The following SOX5 variants were observed in gnomAD, a reference collection of about 807,000 sequenced individuals.
The protein encoded by SOX5 is SRY-box transcription factor 5, also known as transcription factor SOX-5.
Under a neutral mutation model 92.0 loss-of-function variants are expected in SOX5, and 9 were observed. That is an observed-to-expected ratio of 0.10 (90% CI 0.06 to 0.17). SOX5 has a LOEUF of 0.17. Among genes scored for constraint, SOX5 ranks in the 10% least tolerant of loss-of-function variants. The pLI, the probability that SOX5 is intolerant of heterozygous loss-of-function variation, is 1.00. For synonymous variants in SOX5, 344 were observed against 336.3 expected, an observed-to-expected ratio of 1.02 and a Z score of -0.25; for missense variants, 642 against 944.5, an observed-to-expected ratio of 0.68 and a Z score of 4.20.
At chr12:23,936,839 T>A (rs1039524559) in intron 1 of SOX5, among the ~76,000 whole-genome samples, 6 of 151,086 alleles carry the variant, frequency 4.0e-5, no homozygotes, top group African/African-American at 1.5e-4. Context: ...CTTAGTAAGA[T>A]ATTTTACATT....
intron 1 of SOX5, among the ~76,000 whole-genome samples, chr12:24,406,274 G>C (rs1422155219): frequency 6.6e-6 from 1 of 152,138 alleles, no homozygotes; most frequent in Non-Finnish European, 1.5e-5. Flanking sequence ...GGTGCTGAGT[G>C]GGGAGTAGGG....
chr12:24,068,240 C>T (rs1941115959), intron 4 of SOX5, among the ~76,000 whole-genome samples: 1 of 152,070 alleles, frequency 6.6e-6, no homozygotes, highest in Non-Finnish European at 1.5e-5. Flanking sequence ...TTTTAGTCGT[C>T]AATGTGTCCT....
chr12:24,462,238 A>G (rs1297929686), intron 1 of SOX5, among the ~76,000 whole-genome samples: 1 of 152,202 alleles, frequency 6.6e-6, no homozygotes, highest in Admixed American at 6.5e-5. Flanking sequence ...TGAATACTGT[A>G]GGCAATTGCA....
At chr12:24,538,497 G>A (rs545842270) in intron 1 of SOX5, among the ~76,000 whole-genome samples, 34 of 151,722 alleles carry the variant, frequency 2.2e-4, no homozygotes, top group Non-Finnish European at 4.3e-4. Flanking sequence ...TATGTTCGCC[G>A]GTCAGATCAG....
intron 2 of SOX5, among the ~76,000 whole-genome samples, chr12:24,291,155 A>G (rs1350547326): frequency 1.3e-5 from 2 of 152,226 alleles, no homozygotes; most frequent in Non-Finnish European, 2.9e-5. Flanking sequence ...ATAAAATAAT[A>G]TGTGAATATA....
chr12:24,002,970 T>A (rs59745584), intron 4 of SOX5, among the ~76,000 whole-genome samples: 4 of 151,966 alleles, frequency 2.6e-5, no homozygotes, highest in Admixed American at 1.3e-4. Flanking sequence ...GAAAGAGTTA[T>A]AAGTGGAATT....
chr12:23,871,034 C>G (rs1217141649), intron 2 of SOX5, among the ~76,000 whole-genome samples: 1 of 152,002 alleles, frequency 6.6e-6, no homozygotes, highest in Non-Finnish European at 1.5e-5. Context: ...GATGAAAGGA[C>G]TACTATCTTT....
chr12:23,788,989 AG>A (rs2095426253), intron 3 of SOX5, among the ~76,000 whole-genome samples: 1 of 151,982 alleles, frequency 6.6e-6, no homozygotes, highest in Non-Finnish European at 1.5e-5. Flanking sequence ...CCTATTCCTA[AG>A]GTCTGCCAAT....
chr12:24,369,188 G>C (rs1956472539), intron 1 of SOX5, among the ~76,000 whole-genome samples: 1 of 152,046 alleles, frequency 6.6e-6, no homozygotes, highest in Non-Finnish European at 1.5e-5. Context: ...CAAAGAGATG[G>C]GCATCTGCCT....
chr12:24,303,069 T>C (rs1244119782), intron 2 of SOX5, among the ~76,000 whole-genome samples: 1 of 152,166 alleles, frequency 6.6e-6, no homozygotes, highest in African/African-American at 2.4e-5. Context: ...AGACAAGGCT[T>C]ACAAATGAGA....
intron 3 of SOX5, among the ~76,000 whole-genome samples, chr12:24,236,331 T>C (rs576428296): frequency 6.6e-6 from 1 of 152,342 alleles, no homozygotes; most frequent in South Asian, 2.1e-4. Flanking sequence ...TTGCTTGATG[T>C]TCTAATCCAC....
chr12:24,158,713 A>G (rs1226256392), intron 4 of SOX5, among the ~76,000 whole-genome samples: 1 of 151,966 alleles, frequency 6.6e-6, no homozygotes, highest in Non-Finnish European at 1.5e-5. Flanking sequence ...TACACCTCAA[A>G]AAGCAAAACT....
At chr12:23,960,868 A>T (rs1946852468) in intron 4 of SOX5, among the ~76,000 whole-genome samples, 1 of 152,142 alleles carries the variant, frequency 6.6e-6, no homozygotes, top group Admixed American at 6.6e-5. Context: ...GAGTAGGAGG[A>T]AGTGGGAACT....
In SOX5 at chr12:24,238,750, G is replaced by T. The variant is rs748268547; in HGVS notation, c.-76-25333C>A. 4.1e-4 allele frequency among the ~76,000 whole-genome samples: 63 copies of T among 152,080 alleles called. 1 individual carries two copies. The highest frequency in any genetic ancestry group is 2.9e-5 in the Non-Finnish European group (2 of 68,012). ...TTCTACCTTCTTTTCTGACCTCTTAGATCCTACATAGCTTACATAATCCAA... is the reference window on the plus strand; with the variant it reads ...TTCTACCTTCTTTTCTGACCTCTTATATCCTACATAGCTTACATAATCCAA... On this transcript the variant is annotated intron_variant, in intron 3 of 4. Transcript: ENST00000446891.
intron 4 of SOX5, among the ~76,000 whole-genome samples, chr12:24,178,709 A>G (rs1955121200): frequency 6.6e-6 from 1 of 152,244 alleles, no homozygotes; most frequent in Non-Finnish European, 1.5e-5. Flanking sequence ...TAGAAAAGAA[A>G]GCTAAGTTGT....
At chr12:24,267,867 A>G (rs1427183849) in intron 3 of SOX5, among the ~76,000 whole-genome samples, 1 of 152,206 alleles carries the variant, frequency 6.6e-6, no homozygotes, top group Non-Finnish European at 1.5e-5. Flanking sequence ...TCTGACTTTT[A>G]AAAAGTAATA....
At chr12:24,087,351 C>T (rs1031827602) in intron 4 of SOX5, among the ~76,000 whole-genome samples, 8 of 151,986 alleles carry the variant, frequency 5.3e-5, no homozygotes, top group South Asian at 2.1e-4. Flanking sequence ...CACTGTTACA[C>T]GTACATTCAA....
intron 7 of SOX5, among the ~76,000 whole-genome samples, chr12:23,650,001 C>T (rs1437195919): frequency 6.6e-6 from 1 of 152,000 alleles, no homozygotes; most frequent in Non-Finnish European, 1.5e-5. Context: ...CTTTATTGGC[C>T]TTACATGTTT....
chr12:23,594,368 A>G (rs1185800472), intron 9 of SOX5, among the ~76,000 whole-genome samples: 1 of 152,126 alleles, frequency 6.6e-6, no homozygotes, highest in Non-Finnish European at 1.5e-5. Context: ...ACTGTTGACC[A>G]CTATCCTCAG....
Sources: gnomAD v4.1 joint callset for allele counts (sites outside exome capture counted in the v4.1 genomes callset) on GRCh38, gnomAD v4.1.1 for gene constraint, MANE v1.5 for transcripts, NCBI Gene and HGNC (gene_info 2026-07-23, HGNC 2026-07-21) for gene names.